Variants in KIRREL3 observed in about 807,000 individuals in gnomAD.
KIRREL3 encodes kirre like nephrin family adhesion molecule 3.
In KIRREL3, 36 loss-of-function variants were observed where a neutral mutation model predicts 89.7. The observed-to-expected ratio is 0.40, with a 90% CI of 0.31 to 0.53. The LOEUF is 0.53. Ranked by LOEUF, KIRREL3 falls within the 20% of genes least tolerant of loss-of-function variation. KIRREL3 has a pLI of 0.49. For missense variants in KIRREL3, 864 were observed against 1,056.6 expected (o/e 0.82, Z 2.53); for synonymous variants, 445 against 441.4 (o/e 1.01, Z -0.10).
rs1948859006 is a variant in KIRREL3 at position 126,954,296 on chromosome 11, C to A, written c.55+46159G>T. 6.6e-6 allele frequency among the ~76,000 whole-genome samples: 1 copy of A among 151,412 alleles called. No homozygotes were observed. Among genetic ancestry groups the A allele is most frequent in the South Asian group, 2.1e-4 (1 of 4,814 alleles). On this transcript the variant is annotated intron_variant, in intron 1 of 16. Transcript: ENST00000525144. The surrounding 1 kb of genome is among the most constrained non-coding windows in gnomAD (Gnocchi z 4.1). The stretch of plus-strand genomic sequence containing the variant: ...AAAAAAAGCCCTGCCTCACAGTTGA[C>A]ATTTTATTTTATAGTCACGTTAGAG...
intron 2 of KIRREL3, among the ~76,000 whole-genome samples, chr11:126,554,843 G>T (rs1232911148): frequency 6.6e-6 from 1 of 152,120 alleles, no homozygotes; most frequent in Non-Finnish European, 1.5e-5. Flanking sequence ...CCCATGAAAA[G>T]ACTTCAGCTG....
intron 1 of KIRREL3, among the ~76,000 whole-genome samples, chr11:126,751,968 G>C (rs915761309): frequency 6.6e-6 from 1 of 152,190 alleles, no homozygotes; most frequent in Non-Finnish European, 1.5e-5. Context: ...CTCCCAAAGT[G>C]CTGGGATTAC....
Position 126,456,057 on chromosome 11 carries a change from T to TTTTC in KIRREL3, c.848+291_848+292insGAAA, listed in dbSNP as rs147218473. 3.2e-3 allele frequency among the ~76,000 whole-genome samples: 356 copies of TTTTC among 109,784 alleles called. 14 individuals are homozygous for TTTTC. The highest frequency in any genetic ancestry group is 4.8e-3 in the Non-Finnish European group (269 of 56,618). The allele number at this position is 109,784 out of a possible 152,430, so 72.0% of individuals were successfully genotyped here. A position where few individuals can be genotyped will look rare whatever the true frequency, so the allele number is the denominator to read the frequency against. On this transcript the variant is annotated intron_variant, in intron 7 of 16. Transcript: ENST00000525144. ...TGTTTTCGTTTTTTTTTTTTTTTTTTCCTGAGCCTTTTCCCCATGTTTGGA... is the reference window on the plus strand; with the variant it reads ...TGTTTTCGTTTTTTTTTTTTTTTTTTTTTCCCTGAGCCTTTTCCCCATGTTTGGA...
Position 126,837,006 on chromosome 11 carries a change from C to G in KIRREL3, c.55+163449G>C, listed in dbSNP as rs918637884. Among the ~76,000 whole-genome samples the G allele has an allele frequency of 4.6e-5, 7 of 151,744 alleles. No homozygotes were observed. Among genetic ancestry groups the G allele is most frequent in the Admixed American group, 1.3e-4 (2 of 15,228 alleles). On this transcript the variant is annotated intron_variant, in intron 1 of 16. Coordinates refer to ENST00000525144, the MANE Select transcript of KIRREL3 (RefSeq NM_032531.4). This position sits in a 1 kb window ranked among gnomAD's most constrained non-coding sequence, Gnocchi z 4.7. ...TCCCTCAGACATTTATGGGCCTGAC[C>G]CATAGAAGATATTTGTTAAGTATTT...
intron 1 of KIRREL3, among the ~76,000 whole-genome samples, chr11:126,938,071 C>G (rs1010333122): frequency 1.3e-5 from 2 of 152,182 alleles, no homozygotes; most frequent in Non-Finnish European, 2.9e-5. Context: ...TTAAGAGAAA[C>G]AAATGAATCC....
At chr11:126,659,116 C>T (rs1945281598) in intron 1 of KIRREL3, among the ~76,000 whole-genome samples, 1 of 152,220 alleles carries the variant, frequency 6.6e-6, no homozygotes, top group Non-Finnish European at 1.5e-5. Context: ...GATACATTTT[C>T]CCTCTTGCCT....
chr11:126,731,014 C>A (rs549493081), intron 1 of KIRREL3, among the ~76,000 whole-genome samples: 34 of 152,322 alleles, frequency 2.2e-4, no homozygotes, highest in African/African-American at 8.2e-4. Flanking sequence ...GCTGGGATTA[C>A]AGGCGTGAGC....
chr11:126,735,397 A>C (rs1948768814), intron 1 of KIRREL3, among the ~76,000 whole-genome samples: 4 of 152,224 alleles, frequency 2.6e-5, no homozygotes, highest in Admixed American at 2.6e-4. Context: ...GGGGAGACAG[A>C]GAAAGAGAGC....
chr11:126,564,943 A>G lies in KIRREL3; in HGVS notation c.56-2031T>C, dbSNP rs1940408552. Among the ~76,000 whole-genome samples the G allele has an allele frequency of 1.3e-5, 2 of 152,232 alleles. No individual in the cohort carries two copies. The highest frequency in any genetic ancestry group is 2.9e-5 in the Non-Finnish European group (2 of 68,042). ...CATTGTTCATCATTAGAATGATACAATTGCTGACAATTCCTATTATATTTT... is the reference window on the plus strand; with the variant it reads ...CATTGTTCATCATTAGAATGATACAGTTGCTGACAATTCCTATTATATTTT... On this transcript the variant is annotated intron_variant, in intron 1 of 16. Coordinates refer to ENST00000525144, the MANE Select transcript of KIRREL3 (RefSeq NM_032531.4). The surrounding 1 kb of genome is among the most constrained non-coding windows in gnomAD (Gnocchi z 7.4).
At chr11:126,751,850 G>A (rs1374829576) in intron 1 of KIRREL3, among the ~76,000 whole-genome samples, 1 of 152,138 alleles carries the variant, frequency 6.6e-6, no homozygotes, top group Non-Finnish European at 1.5e-5. Context: ...TATCATAAAA[G>A]TGTGGAGTTT....
At position 126,578,464 on chromosome 11, in the gene KIRREL3, T is replaced by TA. The variant is rs1199315093; in HGVS notation, c.56-15553dup. Among the ~76,000 whole-genome samples, 2 of 152,226 alleles carry TA rather than the reference T, an allele frequency of 1.3e-5. No homozygotes were observed. The highest frequency in any genetic ancestry group is 2.4e-5 in the African/African-American group (1 of 41,466). On this transcript the variant is annotated intron_variant, in intron 1 of 16. Coordinates refer to ENST00000525144, the MANE Select transcript of KIRREL3 (RefSeq NM_032531.4). This position sits in a 1 kb window ranked among gnomAD's most constrained non-coding sequence, Gnocchi z 4.9. The stretch of plus-strand genomic sequence containing the variant: ...TGAACGTGACTCCGTGCCTACCTGC[T>TA]AATAAGAGCGGGAGTGTGGATTGTG...
chr11:126,701,824 A>G (rs920506983), intron 1 of KIRREL3, among the ~76,000 whole-genome samples: 2 of 152,118 alleles, frequency 1.3e-5, no homozygotes, highest in Non-Finnish European at 2.9e-5. Flanking sequence ...CAGGTTTTCC[A>G]TCTGTAAAGT....
At chr11:126,604,005 G>A (rs1236435744) in intron 1 of KIRREL3, among the ~76,000 whole-genome samples, 10 of 152,170 alleles carry the variant, frequency 6.6e-5, no homozygotes, top group South Asian at 2.1e-4. Context: ...CATAATTCAC[G>A]TTATCCATTC....
In KIRREL3 at chr11:126,970,683, T is replaced by C. The variant is rs1455477142; in HGVS notation, c.55+29772A>G. ...TTGTGATGGGATTTTTTCTATTATA[T>C]GTAAAATGATAAACATACAGCATTT... On this transcript the variant is annotated intron_variant, in intron 1 of 16. Coordinates refer to ENST00000525144, the MANE Select transcript of KIRREL3 (RefSeq NM_032531.4). This position sits in a 1 kb window ranked among gnomAD's most constrained non-coding sequence, Gnocchi z 4.4. 6.6e-6 allele frequency among the ~76,000 whole-genome samples: 1 copy of C among 152,212 alleles called. No homozygotes were observed. The highest frequency in any genetic ancestry group is 2.4e-5 in the African/African-American group (1 of 41,452).
rs895723825 is a variant in KIRREL3 at position 126,686,781 on chromosome 11, G to A, written c.56-123869C>T. 1.3e-5 allele frequency among the ~76,000 whole-genome samples: 2 copies of A among 152,100 alleles called. No homozygotes were observed. The highest frequency in any genetic ancestry group is 2.9e-5 in the Non-Finnish European group (2 of 68,016). On this transcript the variant is annotated intron_variant, in intron 1 of 16. Transcript: ENST00000525144. The surrounding 1 kb of genome is among the most constrained non-coding windows in gnomAD (Gnocchi z 4.7). ...TTTTAGTAGAGATGGGGCTTCGCAT[G>A]TTGGCCAGGCTGGTCTCGAACTCCT...
intron 1 of KIRREL3, among the ~76,000 whole-genome samples, chr11:126,922,623 C>T (rs572366523): frequency 2.6e-5 from 4 of 151,972 alleles, no homozygotes; most frequent in Non-Finnish European, 5.9e-5. Context: ...GTCAAGTTTA[C>T]CATCTCCCCT....
rs1048342513 is a variant in KIRREL3 at position 126,550,298 on chromosome 11, T to TA, written c.133+12536dup. On this transcript the variant is annotated intron_variant, in intron 2 of 16. Coordinates refer to ENST00000525144, the MANE Select transcript of KIRREL3 (RefSeq NM_032531.4). The surrounding 1 kb of genome is among the most constrained non-coding windows in gnomAD (Gnocchi z 4.9). ...TGGAGAATCTGTAATGATAGGGGTC[T>TA]AAGCCTGCCCTGACTACACCCGGGA... The TA allele has an allele frequency of 3.3e-5, 5 of 152,250 alleles. No individual in the cohort carries two copies. Among genetic ancestry groups the TA allele is most frequent in the Non-Finnish European group, 7.3e-5 (5 of 68,088 alleles). 9.4% of individuals were successfully genotyped at this position (152,250 alleles called of 1,614,324 possible). A position where few individuals can be genotyped will look rare whatever the true frequency, so the allele number is the denominator to read the frequency against.
In KIRREL3 at chr11:126,830,659, G is replaced by A. The variant is rs1259017174; in HGVS notation, c.55+169796C>T. ...TGGACAGGCAGGCACTTAGGAAGGT[G>A]TTCGTGCCAGACGCATTCATTGTCT... On this transcript the variant is annotated intron_variant, in intron 1 of 16. Transcript: ENST00000525144. This position sits in a 1 kb window ranked among gnomAD's most constrained non-coding sequence, Gnocchi z 4.9. 2.0e-5 allele frequency among the ~76,000 whole-genome samples: 3 copies of A among 152,198 alleles called. No individual in the cohort carries two copies. Among genetic ancestry groups the A allele is most frequent in the East Asian group, 1.9e-4 (1 of 5,194 alleles).
At chr11:126,834,564 G>C (rs1943716241) in intron 1 of KIRREL3, among the ~76,000 whole-genome samples, 1 of 152,218 alleles carries the variant, frequency 6.6e-6, no homozygotes, top group South Asian at 2.1e-4. Context: ...GATCACTCAA[G>C]AGCACTGTGA....
Sources: gnomAD v4.1 joint callset for allele counts (sites outside exome capture counted in the v4.1 genomes callset) on GRCh38, gnomAD v4.1.1 for gene constraint, Gnocchi (gnomAD v3.1) non-coding constraint, MANE v1.5 for transcripts, NCBI Gene and HGNC (gene_info 2026-07-23, HGNC 2026-07-21) for gene names.